The following DNAJC6 variants were observed in gnomAD, a reference collection of about 807,000 sequenced individuals.
DNAJC6 encodes the protein DnaJ heat shock protein family (Hsp40) member C6, also known as auxilin.
A neutral mutation model predicts 110.0 loss-of-function variants in DNAJC6; 34 were observed. That is an observed-to-expected ratio of 0.31 (90% CI 0.24 to 0.41). DNAJC6 has a LOEUF of 0.41. Among genes scored for constraint, DNAJC6 ranks in the 10% least tolerant of loss-of-function variants. The probability of loss-of-function intolerance (pLI) is 1.00; values close to 1 mark genes in which losing one functional copy is unlikely to be tolerated. For missense variants in DNAJC6, 1,031 were observed against 1,207.8 expected (o/e 0.85, Z 2.17); for synonymous variants, 406 against 437.2 (o/e 0.93, Z 0.89).
chr1:65,312,016 T>G (rs2101371719), intron 1 of DNAJC6, among the ~76,000 whole-genome samples: 1 of 152,322 alleles, frequency 6.6e-6, no homozygotes, highest in Middle Eastern at 3.4e-3. Context: ...GATTGTCTTT[T>G]TCACTAAATC....
chr1:65,359,770 C>T lies in DNAJC6; in HGVS notation c.194-4865C>T, dbSNP rs546570766. Among the ~76,000 whole-genome samples, 9 of 152,168 alleles carry T rather than the reference C, an allele frequency of 5.9e-5. No individual in the cohort carries two copies. In the East Asian group the frequency reaches 9.7e-4, roughly 16 times the overall value. ...AGTAAATGCTTTAGACTTTGTGGGC[C>T]GTAAGATCTGTGGCACTACTATTTT... On this transcript the variant is annotated intron_variant, in intron 1 of 18. Coordinates refer to ENST00000371069, the MANE Select transcript of DNAJC6 (RefSeq NM_001256864.2).
chr1:65,382,372 AC>A (rs1444256247), intron 5 of DNAJC6, among the ~76,000 whole-genome samples: 2 of 152,184 alleles, frequency 1.3e-5, no homozygotes, highest in Admixed American at 6.5e-5. Flanking sequence ...TTAATGGATC[AC>A]CTTTCTCCTG....
intron 7 of DNAJC6, 43 bp downstream of exon 7, chr1:65,385,949 C>A (rs372712896): frequency 2.7e-6 from 4 of 1,481,574 alleles, no homozygotes; most frequent in South Asian, 1.4e-5. Flanking sequence ...CTTCTCAATT[C>A]TCATGTAAAT....
chr1:65,357,896 T>C (rs781148118), intron 1 of DNAJC6, among the ~76,000 whole-genome samples: 110 of 152,248 alleles, frequency 7.2e-4, no homozygotes, highest in Non-Finnish European at 1.3e-3. Context: ...CTAATGAATG[T>C]GGCCGGGCAC....
intron 1 of DNAJC6, among the ~76,000 whole-genome samples, chr1:65,320,658 G>A (rs1239711037): frequency 2.0e-5 from 3 of 152,174 alleles, no homozygotes; most frequent in African/African-American, 7.2e-5. Context: ...TAGCCATGGG[G>A]GATACAGTAG....
At chr1:65,370,561 T>C (rs10158873) in intron 4 of DNAJC6, among the ~76,000 whole-genome samples, 103,315 of 152,080 alleles carry the variant, frequency 0.68, 36,256 homozygotes, top group African/African-American at 0.87. Context: ...TCTAACCTGA[T>C]TCCAGAGTTC....
At chr1:65,367,284 G>A (rs2101561914) in intron 4 of DNAJC6, among the ~76,000 whole-genome samples, 1 of 152,184 alleles carries the variant, frequency 6.6e-6, no homozygotes, top group African/African-American at 2.4e-5. Flanking sequence ...GTTGCTGCGG[G>A]GACCACTCTT....
chr1:65,325,469 A>G (rs979280639), intron 1 of DNAJC6, among the ~76,000 whole-genome samples: 4 of 152,168 alleles, frequency 2.6e-5, no homozygotes, highest in African/African-American at 9.7e-5. Context: ...TATCTAGGTC[A>G]TATGATTGTG....
At chr1:65,291,840 T>C (rs2101231146) in intron 1 of DNAJC6, among the ~76,000 whole-genome samples, 1 of 152,290 alleles carries the variant, frequency 6.6e-6, no homozygotes, top group South Asian at 2.1e-4. Flanking sequence ...TAGTGGATAG[T>C]GGAGTGAGGA....
intron 1 of DNAJC6, among the ~76,000 whole-genome samples, chr1:65,270,728 G>A (rs1653476555): frequency 1.3e-5 from 2 of 152,108 alleles, no homozygotes; most frequent in South Asian, 4.1e-4. Context: ...ACTCAGGCAG[G>A]AGTTCAGTGG....
chr1:65,370,390 G>A (rs1645694399), intron 4 of DNAJC6, among the ~76,000 whole-genome samples: 1 of 152,112 alleles, frequency 6.6e-6, no homozygotes, highest in African/African-American at 2.4e-5. Flanking sequence ...CATAAACACT[G>A]TTCCCATCCA....
At chr1:65,374,886 C>T (rs996748405) in intron 4 of DNAJC6, among the ~76,000 whole-genome samples, 11 of 152,084 alleles carry the variant, frequency 7.2e-5, no homozygotes, top group Non-Finnish European at 1.3e-4. Context: ...CTTCAATTTT[C>T]CTCCATTCAG....
chr1:65,270,307 T>C, intron 1 of DNAJC6, among the ~76,000 whole-genome samples: 1 of 152,216 alleles, frequency 6.6e-6, no homozygotes, highest in East Asian at 1.9e-4. Flanking sequence ...TATATATACA[T>C]ATGCATAGTT....
chr1:65,286,809 C>T (rs941785636), intron 1 of DNAJC6, among the ~76,000 whole-genome samples: 3 of 152,162 alleles, frequency 2.0e-5, no homozygotes, highest in Admixed American at 6.5e-5. Flanking sequence ...TATATTAGCT[C>T]ATTTAAACCT....
At chr1:65,289,804 T>C (rs1008985038) in intron 1 of DNAJC6, among the ~76,000 whole-genome samples, 1 of 151,496 alleles carries the variant, frequency 6.6e-6, no homozygotes, top group East Asian at 1.9e-4. Context: ...GAGCACTGTG[T>C]CATTGTTGTT....
Position 65,392,779 on chromosome 1 carries a change from A to G in DNAJC6, c.1817A>G (p.His606Arg), listed in dbSNP as rs199937139. The G allele has an allele frequency of 1.2e-6, 2 of 1,609,430 alleles. No homozygotes were observed. The highest frequency in any genetic ancestry group is 2.2e-5 in the South Asian group (2 of 90,084). ...AGQSGVEDVF[H>R]PSGPASTQST... ...CAGTCAGGAGTGGAAGATGTGTTTC[A>G]TCCTAGTGGACCTGCGTCTACCCAG... The change falls in exon 12 of 19, where the codon CAT becomes CGT. Residue 606 changes from histidine (H) to arginine (R), a missense_variant. Physicochemically the swap from His to Arg is conservative, Grantham distance 29. Coordinates refer to ENST00000371069, the MANE Select transcript of DNAJC6 (RefSeq NM_001256864.2).
chr1:65,328,918 A>G (rs1465599370), intron 1 of DNAJC6, among the ~76,000 whole-genome samples: 1 of 152,196 alleles, frequency 6.6e-6, no homozygotes, highest in Non-Finnish European at 1.5e-5. Context: ...GTTAGATATC[A>G]TGTCCACTGG....
At chr1:65,279,362 G>A (rs1653773086) in intron 1 of DNAJC6, 1 of 167,378 alleles carries the variant, frequency 6.0e-6, no homozygotes, top group African/African-American at 2.4e-5. Context: ...GATGGGGGTG[G>A]AGGTAAGGCC....
chr1:65,411,106 A>G (rs1646124680), intron 17 of DNAJC6, 144 bp from the exon 18 acceptor site: 3 of 658,992 alleles, frequency 4.6e-6, no homozygotes, highest in African/African-American at 3.7e-5. Context: ...GAAGCATTCC[A>G]GGTAGAGGAA....
Sources: allele counts gnomAD v4.1 joint callset (sites outside exome capture counted in the v4.1 genomes callset), GRCh38; gene constraint gnomAD v4.1.1; transcripts MANE v1.5; gene names NCBI Gene and HGNC (gene_info 2026-07-23, HGNC 2026-07-21).